Variants in MLXIP observed in about 807,000 individuals in gnomAD.
MLXIP encodes the protein MLX-interacting protein.
A neutral mutation model predicts 87.2 loss-of-function variants in MLXIP; 30 were observed. The ratio of observed to expected loss-of-function variants is 0.34; its 90% confidence interval spans 0.26 to 0.47. The LOEUF (loss-of-function observed/expected upper bound fraction) is 0.47, where lower values mean the gene tolerates loss of function less well. MLXIP is among the 20% of genes least tolerant of loss of function. The pLI, the probability that MLXIP is intolerant of heterozygous loss-of-function variation, is 1.00. For synonymous variants in MLXIP, 530 were observed against 514.0 expected (o/e 1.03, Z -0.42); for missense variants, 1,002 against 1,240.1 (o/e 0.81, Z 2.88).
intron 1 of MLXIP, among the ~76,000 whole-genome samples, chr12:122,126,020 G>A (rs1206752876): frequency 4.6e-5 from 7 of 152,234 alleles, no homozygotes; most frequent in South Asian, 4.1e-4. Flanking sequence ...TGGAGAAGGG[G>A]CAGGGCTGTG....
At position 122,144,520 on chromosome 12, in the gene MLXIP, G is replaced by A. The variant is rs1953265869; in HGVS notation, c.*2708G>A. 6.6e-6 allele frequency: 1 copy of A among 152,012 alleles called. No individual in the cohort carries two copies. Among genetic ancestry groups the A allele is most frequent in the African/African-American group, 2.4e-5 (1 of 41,358 alleles). The allele number at this position is 152,012 out of a possible 1,614,324, so 9.4% of individuals were successfully genotyped here. On this transcript the variant is annotated 3_prime_UTR_variant, in exon 17 of 17. Coordinates refer to ENST00000319080, the MANE Select transcript of MLXIP (RefSeq NM_014938.6). Reference sequence around the variant, plus strand: ...GCTGGAGGATTGCTTGAGCCTAGAAGTTGCAGTGAGCTATGATCATGCCAC... The same window carrying A: ...GCTGGAGGATTGCTTGAGCCTAGAAATTGCAGTGAGCTATGATCATGCCAC...
intron 1 of MLXIP, among the ~76,000 whole-genome samples, chr12:122,101,970 G>A (rs1449067027): frequency 2.0e-5 from 3 of 152,192 alleles, no homozygotes; most frequent in Non-Finnish European, 4.4e-5. Context: ...GGTAAGGGTT[G>A]TGATTCAGTT....
intron 1 of MLXIP, among the ~76,000 whole-genome samples, chr12:122,090,200 A>G (rs893739213): frequency 2.0e-5 from 3 of 152,226 alleles, no homozygotes; most frequent in African/African-American, 7.2e-5. Context: ...TGTTGAATGA[A>G]ATAAGCCTTA....
intron 8 of MLXIP, chr12:122,132,968 T>C (rs1221724681): frequency 9.9e-6 from 2 of 201,138 alleles, no homozygotes; most frequent in African/African-American, 4.6e-5. Flanking sequence ...GATGACCAGT[T>C]GACACGTGAA....
At chr12:122,125,655 A>G (rs1952870162) in intron 1 of MLXIP, among the ~76,000 whole-genome samples, 2 of 152,198 alleles carry the variant, frequency 1.3e-5, no homozygotes, top group South Asian at 4.1e-4. Context: ...GGTGGGTTAG[A>G]TGAGCCTTTG....
chr12:122,109,961 T>A (rs1952578643), intron 1 of MLXIP, among the ~76,000 whole-genome samples: 1 of 152,178 alleles, frequency 6.6e-6, no homozygotes, highest in Non-Finnish European at 1.5e-5. Context: ...ATCCAGCTAT[T>A]CTTCCTTTTG....
At chr12:122,122,244 A>T (rs966628158) in intron 1 of MLXIP, among the ~76,000 whole-genome samples, 74 of 152,302 alleles carry the variant, frequency 4.9e-4, no homozygotes, top group African/African-American at 1.8e-3. Flanking sequence ...GAAGATGTTG[A>T]GCTGGCAGCA....
chr12:122,115,198 C>G (rs1199197193), intron 1 of MLXIP, among the ~76,000 whole-genome samples: 1 of 151,914 alleles, frequency 6.6e-6, no homozygotes, highest in East Asian at 1.9e-4. Flanking sequence ...ATATTTTAAT[C>G]AATAAAACTA....
intron 1 of MLXIP, among the ~76,000 whole-genome samples, chr12:122,108,986 TA>T (rs1952562705): frequency 6.6e-6 from 1 of 152,154 alleles, no homozygotes; most frequent in African/African-American, 2.4e-5. Context: ...ATTTCCTTTT[TA>T]GGTGGCACAA....
chr12:122,125,793 G>T (rs1049730083), intron 1 of MLXIP, among the ~76,000 whole-genome samples: 4 of 152,334 alleles, frequency 2.6e-5, no homozygotes, highest in African/African-American at 9.6e-5. Context: ...TTTTCTGGGG[G>T]AGTCATAACC....
At chr12:122,126,304 G>A (rs1256582318) in intron 1 of MLXIP, among the ~76,000 whole-genome samples, 2 of 152,226 alleles carry the variant, frequency 1.3e-5, no homozygotes, top group Non-Finnish European at 2.9e-5. Flanking sequence ...GAGCTGCAGT[G>A]TCAACAGGGA....
intron 1 of MLXIP, among the ~76,000 whole-genome samples, chr12:122,103,064 C>T (rs1206433065): frequency 6.6e-6 from 1 of 152,158 alleles, no homozygotes; most frequent in East Asian, 1.9e-4. Context: ...AGTGCAGCGG[C>T]ATGATCACGG....
In MLXIP at chr12:122,141,881, G is replaced by GC. The variant is rs1565992705; in HGVS notation, c.*75dup. ...TCCCTGCCCATGGAGAGTAGGCTGC[G>GC]CCCCCCAGCCCTTCCTGACGCTCAG... On this transcript the variant is annotated 3_prime_UTR_variant, in exon 17 of 17. Coordinates refer to ENST00000319080, the MANE Select transcript of MLXIP (RefSeq NM_014938.6). 3.8e-6 allele frequency: 6 copies of GC among 1,579,954 alleles called. No individual in the cohort carries two copies. The highest frequency in any genetic ancestry group is 1.7e-5 in the Admixed American group (1 of 57,704).
chr12:122,093,041 GTGTA>G (rs1952271461), intron 1 of MLXIP, among the ~76,000 whole-genome samples: 1 of 146,938 alleles, frequency 6.8e-6, no homozygotes, highest in Admixed American at 6.8e-5. Flanking sequence ...TGTGGTGTGT[GTGTA>G]TGGTGTGTGT....
intron 1 of MLXIP, among the ~76,000 whole-genome samples, chr12:122,090,629 TCCC>T (rs2135903968): frequency 6.6e-6 from 1 of 152,346 alleles, no homozygotes; most frequent in South Asian, 2.1e-4. Context: ...CTTTCAACTT[TCCC>T]TGTATGTTTG....
chr12:122,093,483 G>A (rs1952281861), intron 1 of MLXIP, among the ~76,000 whole-genome samples: 1 of 144,766 alleles, frequency 6.9e-6, no homozygotes, highest in South Asian at 2.4e-4. Context: ...TGTTTGGTGT[G>A]TGGTGTGTGT....
intron 1 of MLXIP, among the ~76,000 whole-genome samples, chr12:122,100,400 A>G (rs569756171): frequency 3.6e-4 from 55 of 152,296 alleles, no homozygotes; most frequent in African/African-American, 1.3e-3. Context: ...TTGTTTAATC[A>G]TCTCTTTTAC....
At chr12:122,106,443 G>T (rs926671348) in intron 1 of MLXIP, among the ~76,000 whole-genome samples, 6 of 151,380 alleles carry the variant, frequency 4.0e-5, no homozygotes, top group African/African-American at 1.5e-4. Flanking sequence ...GGATGGCATT[G>T]TCACTGTGTT....
Position 122,138,467 on chromosome 12 carries a change from C to A in MLXIP, c.2300C>A (p.Thr767Asn). The A allele has an allele frequency of 6.2e-7, 1 of 1,613,958 alleles. No homozygotes were observed. The highest frequency in any genetic ancestry group is 8.5e-7 in the Non-Finnish European group (1 of 1,179,882). Residue 767 changes from threonine (T) to asparagine (N), a missense_variant, in exon 14 of 17, where the codon ACC (threonine) becomes AAC (asparagine). Physicochemically the swap from Thr to Asn is moderately conservative, Grantham distance 65. Coordinates refer to ENST00000319080, the MANE Select transcript of MLXIP (RefSeq NM_014938.6). ...ITLQKTVEYI[T>N]KLQQERGQMQ... is the part of the protein sequence containing the mutation. ...CTGCAGAAGACTGTGGAGTACATCA[C>A]CAAGCTGCAGCAGGAGAGAGGCCAG... is the stretch of plus-strand genomic sequence containing the variant.
Sources: allele counts gnomAD v4.1 joint callset (sites outside exome capture counted in the v4.1 genomes callset), GRCh38; gene constraint gnomAD v4.1.1; transcripts MANE v1.5; gene names NCBI Gene and HGNC (gene_info 2026-07-23, HGNC 2026-07-21).